Variants in ADGRL3 observed in about 807,000 individuals in gnomAD.
ADGRL3 encodes the protein adhesion G protein-coupled receptor L3.
In ADGRL3, 62 loss-of-function variants were observed where a neutral mutation model predicts 153.5. The ratio of observed to expected loss-of-function variants is 0.40; its 90% CI spans 0.33 to 0.50. ADGRL3 has a LOEUF of 0.50. ADGRL3 is among the 20% of genes least tolerant of loss of function. The probability of loss-of-function intolerance (pLI) is 0.47; values close to 1 mark genes in which losing one functional copy is unlikely to be tolerated. For missense variants in ADGRL3, 1,641 were observed against 1,859.4 expected (o/e 0.88, Z 2.16); for synonymous variants, 710 against 672.5 (o/e 1.06, Z -0.86).
intron 1 of ADGRL3, among the ~76,000 whole-genome samples, chr4:61,246,563 CT>C (rs1291444808): frequency 6.6e-6 from 1 of 151,844 alleles, no homozygotes; most frequent in Non-Finnish European, 1.5e-5. Flanking sequence ...GCAATATTGG[CT>C]TTGAAGACAC....
chr4:61,731,190 C>T (rs2096435932), intron 7 of ADGRL3, among the ~76,000 whole-genome samples: 1 of 151,826 alleles, frequency 6.6e-6, no homozygotes, highest in Non-Finnish European at 1.5e-5. Flanking sequence ...GCCCTCTATC[C>T]TTTCTATGGA....
chr4:61,791,948 T>A (rs2152436622), intron 8 of ADGRL3, among the ~76,000 whole-genome samples: 1 of 152,214 alleles, frequency 6.6e-6, no homozygotes, highest in South Asian at 2.1e-4. Flanking sequence ...ATGAAACCAC[T>A]TTTTCATCCT....
At chr4:61,595,664 C>T (rs183212622) in intron 5 of ADGRL3, among the ~76,000 whole-genome samples, 1 of 151,662 alleles carries the variant, frequency 6.6e-6, no homozygotes, top group African/African-American at 2.4e-5. Flanking sequence ...TGAGCTGTGC[C>T]AGGTGGTGTC....
intron 21 of ADGRL3, among the ~76,000 whole-genome samples, chr4:62,022,222 A>T (rs575373094): frequency 6.6e-6 from 1 of 152,306 alleles, no homozygotes. Flanking sequence ...ACAATCTCTA[A>T]AGCCAAGCCT....
intron 4 of ADGRL3, among the ~76,000 whole-genome samples, chr4:61,551,524 A>T (rs2148816881): frequency 6.6e-6 from 1 of 152,280 alleles, no homozygotes; most frequent in Middle Eastern, 3.4e-3. Flanking sequence ...TACTCATATG[A>T]GGTATGGTTG....
intron 13 of ADGRL3, among the ~76,000 whole-genome samples, chr4:61,920,655 T>C (rs946754149): frequency 3.3e-5 from 5 of 152,202 alleles, no homozygotes; most frequent in African/African-American, 1.2e-4. Flanking sequence ...ATCTGGTTTT[T>C]TGCTCCATTA....
chr4:61,553,353 T>C (rs1560829518), intron 4 of ADGRL3, among the ~76,000 whole-genome samples: 3 of 152,136 alleles, frequency 2.0e-5, no homozygotes, highest in Non-Finnish European at 4.4e-5. Flanking sequence ...TAAGTATAAA[T>C]AAGCTTTCAA....
chr4:62,020,515 A>G (rs567682138), intron 21 of ADGRL3, among the ~76,000 whole-genome samples: 1 of 152,266 alleles, frequency 6.6e-6, no homozygotes, highest in African/African-American at 2.4e-5. Flanking sequence ...CTTGCTAAAA[A>G]TATTTTATGG....
At chr4:61,340,902 A>G (rs1350682064) in intron 1 of ADGRL3, among the ~76,000 whole-genome samples, 1 of 151,824 alleles carries the variant, frequency 6.6e-6, no homozygotes, top group Non-Finnish European at 1.5e-5. Flanking sequence ...TTTTCCATTC[A>G]TCATTCAAAA....
At chr4:61,826,500 A>G (rs560190381) in intron 9 of ADGRL3, among the ~76,000 whole-genome samples, 48 of 152,316 alleles carry the variant, frequency 3.2e-4, no homozygotes, top group African/African-American at 1.2e-3. Flanking sequence ...GCTAATTTCT[A>G]GAATATAATA....
At chr4:61,266,956 T>TA (rs2092884712) in intron 1 of ADGRL3, among the ~76,000 whole-genome samples, 1 of 151,758 alleles carries the variant, frequency 6.6e-6, no homozygotes, top group Non-Finnish European at 1.5e-5. Flanking sequence ...GTTTAGTTTT[T>TA]AATAGTATTT....
chr4:61,650,023 T>C (rs2094187931), intron 5 of ADGRL3, among the ~76,000 whole-genome samples: 1 of 152,158 alleles, frequency 6.6e-6, no homozygotes. Context: ...AAAGCTGCAG[T>C]TTGTTGTCTG....
intron 5 of ADGRL3, among the ~76,000 whole-genome samples, chr4:61,612,118 AAAAC>A (rs1287100661): frequency 1.3e-5 from 2 of 152,156 alleles, no homozygotes; most frequent in African/African-American, 2.4e-5. Context: ...TCCCATATAA[AAAAC>A]AAACAAATAA....
intron 6 of ADGRL3, among the ~76,000 whole-genome samples, chr4:61,706,800 T>C (rs1056859801): frequency 5.3e-5 from 8 of 152,212 alleles, no homozygotes; most frequent in Non-Finnish European, 1.0e-4. Context: ...TTTTGCTTTT[T>C]TAATATTCAT....
chr4:62,008,154 A>G (rs1044641393), intron 21 of ADGRL3, among the ~76,000 whole-genome samples: 1 of 152,088 alleles, frequency 6.6e-6, no homozygotes, highest in African/African-American at 2.4e-5. Flanking sequence ...GGTAAAGACA[A>G]TCTTTTCAAG....
At chr4:61,850,166 A>G (rs1241191207) in intron 9 of ADGRL3, among the ~76,000 whole-genome samples, 1 of 152,172 alleles carries the variant, frequency 6.6e-6, no homozygotes, top group Non-Finnish European at 1.5e-5. Flanking sequence ...TTTACTGAGC[A>G]CATACCATGG....
intron 17 of ADGRL3, among the ~76,000 whole-genome samples, chr4:61,961,651 G>GAAGT (rs1364103890): frequency 6.6e-6 from 1 of 151,616 alleles, no homozygotes; most frequent in African/African-American, 2.4e-5. Context: ...TTATCTCTGT[G>GAAGT]AAGTGCAGGG....
At chr4:61,703,302 AT>A (rs11359169) in intron 6 of ADGRL3, among the ~76,000 whole-genome samples, 55,002 of 151,904 alleles carry the variant, frequency 0.36, 11,552 homozygotes, top group Non-Finnish European at 0.49. Context: ...CTTGGTTGAT[AT>A]TTTTTTCAGT....
intron 5 of ADGRL3, among the ~76,000 whole-genome samples, chr4:61,624,714 G>A (rs2092728928): frequency 6.6e-6 from 1 of 152,052 alleles, no homozygotes; most frequent in African/African-American, 2.4e-5. Context: ...GAAAGGCTGA[G>A]TTACTTTATG....
Sources: allele counts gnomAD v4.1 joint callset (sites outside exome capture counted in the v4.1 genomes callset), GRCh38; gene constraint gnomAD v4.1.1; transcripts MANE v1.5; gene names NCBI Gene and HGNC (gene_info 2026-07-23, HGNC 2026-07-21).